LRRC56: variants seen among roughly 807,000 people sequenced by gnomAD.
LRRC56 encodes leucine-rich repeat-containing protein 56.
LRRC56 carries 41 observed loss-of-function variants against 47.8 expected under a neutral mutation model. That is an observed-to-expected ratio of 0.86 (90% confidence interval 0.67 to 1.11). The LOEUF (loss-of-function observed/expected upper bound fraction) is 1.11. LRRC56 is among the 50% of genes most tolerant of loss of function. The pLI is 0.00. For missense variants in LRRC56, 759 were observed against 704.2 expected, an observed-to-expected ratio of 1.08 and a Z score of -0.88; for synonymous variants, 387 against 311.2, an observed-to-expected ratio of 1.24 and a Z score of -2.56.
the LRRC56 span, among the ~76,000 whole-genome samples, chr11:517,914 A>T: frequency 6.6e-6 from 1 of 152,238 alleles, no homozygotes; most frequent in Non-Finnish European, 1.5e-5. Context: ...ACTCAGGGTT[A>T]AATGGATTAA....
intron 5 of LRRC56, among the ~76,000 whole-genome samples, chr11:542,580 CAAAAAAAAAAAA>C (rs71022928): frequency 3.8e-5 from 1 of 26,002 alleles, no homozygotes; most frequent in African/African-American, 2.1e-4. Flanking sequence ...AACCCTGTCG[CAAAAAAAAAAAA>C]AAAAAAAAAA....
intron 8 of LRRC56, 60 bp from the exon 9 acceptor site, chr11:551,070 TG>T (rs1852356342): frequency 2.0e-6 from 2 of 1,011,480 alleles, no homozygotes; most frequent in South Asian, 3.8e-5. Context: ...GGGAAAGAGC[TG>T]GCCGGAAGGA....
chr11:554,180 A>G lies in LRRC56; in HGVS notation c.1533A>G (p.Arg511=). The part of the protein sequence containing the change: ...ALEVASRLSP[R]AQGCPGPKPA... ...AGGTGGCCTCACGCCTGAGCCCTCG[A>G]GCCCAGGGATGTCCTGGCCCAAAGC... Residue 511 remains arginine, a synonymous_variant, in exon 14 of 14, where the codon CGA becomes CGG. Transcript: ENST00000270115. 1 of 1,573,304 alleles carries G rather than the reference A, an allele frequency of 6.4e-7. No homozygotes were observed. Among genetic ancestry groups the G allele is most frequent in the Non-Finnish European group, 8.6e-7 (1 of 1,160,882 alleles).
rs1312976520 is a variant in LRRC56 at position 540,665 on chromosome 11, T to G, written c.-11-9T>G. The G allele has an allele frequency of 6.2e-7, 1 of 1,610,214 alleles. No individual in the cohort carries two copies. Among genetic ancestry groups the G allele is most frequent in the African/African-American group, 1.3e-5 (1 of 74,822 alleles). On this transcript the variant is annotated splice_polypyrimidine_tract_variant and intron_variant, in intron 3 of 13. Coordinates refer to ENST00000270115, the MANE Select transcript of LRRC56 (RefSeq NM_198075.4). ...AGCGTGGAGCTTTGCACTGTGCCTC[T>G]GTCAGCAGGTGACATGTGAATGGAT...
In LRRC56 at chr11:554,097, A is replaced by G; in HGVS notation, c.1450A>G (p.Ser484Gly). Residue 484 changes from serine (S) to glycine (G), a missense_variant, in exon 14 of 14, where the codon AGC (serine) becomes GGC (glycine). Transcript: ENST00000270115. ...GGGGCGTCGGCTCCGAGTCCTGGGCAGCTGGGGGCCTGGCCTGGGTGATGG... is the reference window on the plus strand; with the variant it reads ...GGGGCGTCGGCTCCGAGTCCTGGGCGGCTGGGGGCCTGGCCTGGGTGATGG... ...SRGRRLRVLG[S>G]WGPGLGDGVA... The G allele has an allele frequency of 6.2e-7, 1 of 1,607,482 alleles. No individual in the cohort carries two copies. Among genetic ancestry groups the G allele is most frequent in the Non-Finnish European group, 8.5e-7 (1 of 1,178,536 alleles).
the LRRC56 span, among the ~76,000 whole-genome samples, chr11:509,485 G>A: frequency 2.0e-5 from 3 of 152,210 alleles, no homozygotes; most frequent in African/African-American, 4.8e-5. Flanking sequence ...GGCCAGCATG[G>A]TGTCTGTGGC....
the LRRC56 span, among the ~76,000 whole-genome samples, chr11:511,447 C>A: frequency 2.0e-5 from 3 of 152,096 alleles, no homozygotes; most frequent in African/African-American, 4.8e-5. Flanking sequence ...GTTAAACTGA[C>A]AATGACCAGC....
chr11:516,235 A>G, the LRRC56 span, among the ~76,000 whole-genome samples: 1 of 152,112 alleles, frequency 6.6e-6, no homozygotes, highest in Non-Finnish European at 1.5e-5. Flanking sequence ...TCTACCAAAA[A>G]TACAAAAACT....
chr11:522,971 T>C, the LRRC56 span, among the ~76,000 whole-genome samples: 1 of 152,124 alleles, frequency 6.6e-6, no homozygotes, highest in Non-Finnish European at 1.5e-5. Flanking sequence ...CTGGTCTCTG[T>C]ATATATTTTC....
chr11:509,966 C>T, the LRRC56 span, among the ~76,000 whole-genome samples: 2 of 150,112 alleles, frequency 1.3e-5, no homozygotes, highest in African/African-American at 4.9e-5. Context: ...TATATACCGC[C>T]CCAGAGCTGA....
the LRRC56 span, among the ~76,000 whole-genome samples, chr11:525,865 C>A: frequency 6.6e-6 from 1 of 152,058 alleles, no homozygotes; most frequent in Non-Finnish European, 1.5e-5. Context: ...ACACCACACT[C>A]CAGCCTGGGG....
At chr11:525,714 A>C in the LRRC56 span, among the ~76,000 whole-genome samples, 1 of 146,514 alleles carries the variant, frequency 6.8e-6, no homozygotes, top group South Asian at 2.1e-4. Context: ...TGGCCAACAT[A>C]GTGAGACCTG....
intron 12 of LRRC56, 62 bp from the exon 13 acceptor site, chr11:552,507 C>A: frequency 7.0e-7 from 1 of 1,426,272 alleles, no homozygotes; most frequent in Non-Finnish European, 9.7e-7. Flanking sequence ...ATGGACCATC[C>A]CTATGTGTCC....
intron 13 of LRRC56, among the ~76,000 whole-genome samples, chr11:552,994 G>A (rs976990589): frequency 2.0e-5 from 3 of 152,196 alleles, no homozygotes; most frequent in Non-Finnish European, 4.4e-5. Context: ...AGAGTCCAGA[G>A]GAGTCGGGAC....
chr11:527,704 T>G, the LRRC56 span, among the ~76,000 whole-genome samples: 1 of 147,504 alleles, frequency 6.8e-6, no homozygotes. Flanking sequence ...GCTAATTTTT[T>G]TTTTTTTTTT....
the LRRC56 span, chr11:529,070 G>C: frequency 6.6e-6 from 1 of 152,280 alleles, no homozygotes; most frequent in Non-Finnish European, 1.5e-5. Flanking sequence ...GCGGGTGCCT[G>C]TTCCACACGG....
At position 551,136 on chromosome 11, in the gene LRRC56, CA is replaced by C. The variant is rs1852361569; in HGVS notation, c.631del (p.Arg211GlyfsTer9). Reference protein sequence around the residue: ...PAPGPTNKVPRGYNYRAEVRK... With the variant: ...PAPGPTNKVPXGYNYRAEVRK... ...CCCTCCCCCTCCCCCTGCAGGTGCC[CA>C]GGGGCTACAACTACAGGGCAGAGGT... is the stretch of plus-strand genomic sequence containing the variant. On this transcript the variant is annotated frameshift_variant, in exon 9 of 14. Transcript: ENST00000270115. LOFTEE classifies it high-confidence loss of function. 2 of 1,468,380 alleles carry C rather than the reference CA, an allele frequency of 1.4e-6. No individual in the cohort carries two copies. The highest frequency in any genetic ancestry group is 1.8e-6 in the Non-Finnish European group (2 of 1,096,068). 91.0% of individuals were successfully genotyped at this position (1,468,380 alleles called of 1,614,324 possible). A position where few individuals can be genotyped will look rare whatever the true frequency, so the allele number is the denominator to read the frequency against.
At chr11:534,931 A>G (rs989673589), upstream of LRRC56, among the ~76,000 whole-genome samples, 1 of 152,156 alleles carries the variant, frequency 6.6e-6, no homozygotes, top group East Asian at 1.9e-4. Context: ...GCTGGAGAAG[A>G]CAGAGGAGCT....
At chr11:546,354 G>A (rs960103021) in intron 6 of LRRC56, among the ~76,000 whole-genome samples, 1 of 152,148 alleles carries the variant, frequency 6.6e-6, no homozygotes, top group African/African-American at 2.4e-5. Context: ...AGATCACGAG[G>A]TCAGGAGATT....
Sources: gnomAD v4.1 joint callset for allele counts (sites outside exome capture counted in the v4.1 genomes callset) on GRCh38, gnomAD v4.1.1 for gene constraint, MANE v1.5 for transcripts, NCBI Gene and HGNC (gene_info 2026-07-23, HGNC 2026-07-21) for gene names.